ARHGEF12: variants seen among roughly 807,000 people sequenced by gnomAD.
The protein encoded by ARHGEF12 is KMT2A/ARHGEF12 fusion protein.
Under a neutral mutation model 211.2 loss-of-function variants are expected in ARHGEF12, and 66 were observed. That is an observed-to-expected ratio of 0.31 (90% CI 0.26 to 0.38). The LOEUF is 0.38. ARHGEF12 is among the 10% of genes least tolerant of loss of function. The pLI, the probability that ARHGEF12 is intolerant of heterozygous loss-of-function variation, is 1.00. For synonymous variants in ARHGEF12, 592 were observed against 638.4 expected (o/e 0.93, Z 1.09); for missense variants, 1,429 against 1,869.5 (o/e 0.76, Z 4.34).
At position 120,446,937 on chromosome 11, in the gene ARHGEF12, A is replaced by C; in HGVS notation, c.1452-11A>C. On this transcript the variant is annotated splice_polypyrimidine_tract_variant and intron_variant, in intron 17 of 40. Coordinates refer to ENST00000397843, the MANE Select transcript of ARHGEF12 (RefSeq NM_015313.3). ...TTAGGCTACCTCAGGAAACTTCTCT[A>C]TTCCCTTCAGGCAGAAACGTAGTAT... is the stretch of plus-strand genomic sequence containing the variant. 1 of 1,612,204 alleles carries C rather than the reference A, an allele frequency of 6.2e-7. No individual in the cohort carries two copies. Among genetic ancestry groups the C allele is most frequent in the South Asian group, 1.1e-5 (1 of 90,518 alleles).
intron 1 of ARHGEF12, among the ~76,000 whole-genome samples, chr11:120,369,633 A>G (rs1310333551): frequency 1.3e-5 from 2 of 152,260 alleles, no homozygotes; most frequent in Non-Finnish European, 2.9e-5. Flanking sequence ...TGGGGTATAC[A>G]AGAATTTTTA....
intron 6 of ARHGEF12, among the ~76,000 whole-genome samples, chr11:120,423,876 T>G (rs184984321): frequency 6.6e-6 from 1 of 152,210 alleles, no homozygotes; most frequent in Non-Finnish European, 1.5e-5. Flanking sequence ...CGGGATAACA[T>G]TTTCTACATT....
chr11:120,436,893 T>G (rs959889662), intron 11 of ARHGEF12, among the ~76,000 whole-genome samples: 1 of 152,160 alleles, frequency 6.6e-6, no homozygotes, highest in Non-Finnish European at 1.5e-5. Flanking sequence ...AGTAACAGAA[T>G]AGTAGAAGCT....
chr11:120,397,679 C>G (rs2135529319), intron 1 of ARHGEF12, among the ~76,000 whole-genome samples: 1 of 151,992 alleles, frequency 6.6e-6, no homozygotes, highest in Middle Eastern at 3.4e-3. Flanking sequence ...CAAAGCAGCT[C>G]TGATATGTGG....
chr11:120,441,198 A>G (rs1025370183), intron 13 of ARHGEF12, among the ~76,000 whole-genome samples: 5 of 152,076 alleles, frequency 3.3e-5, no homozygotes, highest in Non-Finnish European at 5.9e-5. Flanking sequence ...GGTCTTTAGA[A>G]TGATTTGGGA....
At chr11:120,354,143 A>T (rs1943068948) in intron 1 of ARHGEF12, among the ~76,000 whole-genome samples, 1 of 152,102 alleles carries the variant, frequency 6.6e-6, no homozygotes, top group African/African-American at 2.4e-5. Flanking sequence ...TGCCTGTGAG[A>T]AGAGGGAAGA....
chr11:120,372,812 A>G (rs967889746), intron 1 of ARHGEF12, among the ~76,000 whole-genome samples: 1 of 152,086 alleles, frequency 6.6e-6, no homozygotes, highest in East Asian at 1.9e-4. Context: ...CTTTATCCCC[A>G]ATATCTCTTA....
At chr11:120,432,496 ATTAC>A (rs2135733699) in intron 11 of ARHGEF12, among the ~76,000 whole-genome samples, 1 of 152,360 alleles carries the variant, frequency 6.6e-6, no homozygotes, top group Admixed American at 6.5e-5. Flanking sequence ...TAAGTTCAGT[ATTAC>A]TTACCCAGCA....
intron 1 of ARHGEF12, among the ~76,000 whole-genome samples, chr11:120,354,876 C>G (rs1226183918): frequency 6.6e-6 from 1 of 152,048 alleles, no homozygotes; most frequent in Non-Finnish European, 1.5e-5. Flanking sequence ...ACTTTATAGC[C>G]CTTAGGGAGA....
chr11:120,427,384 C>T (rs1945377282), intron 7 of ARHGEF12, among the ~76,000 whole-genome samples: 1 of 152,116 alleles, frequency 6.6e-6, no homozygotes, highest in Non-Finnish European at 1.5e-5. Flanking sequence ...TCACTAAACC[C>T]TGCCTAGTTA....
In ARHGEF12 at chr11:120,449,217, A is replaced by G. The variant is rs1456184083; in HGVS notation, c.1843+3A>G. Reference sequence around the variant, plus strand: ...AAGCCGTCATGACAACAGTGCAAGTATGTTGAAGTTTGAAGTGCTGCATTT... The same window carrying G: ...AAGCCGTCATGACAACAGTGCAAGTGTGTTGAAGTTTGAAGTGCTGCATTT... On this transcript the variant is annotated splice_donor_region_variant and intron_variant, in intron 21 of 40. Coordinates refer to ENST00000397843, the MANE Select transcript of ARHGEF12 (RefSeq NM_015313.3). 1.2e-6 allele frequency: 2 copies of G among 1,612,904 alleles called. No homozygotes were observed. The highest frequency in any genetic ancestry group is 1.7e-6 in the Non-Finnish European group (2 of 1,179,170).
At chr11:120,469,673 A>C (rs1228473376) in intron 30 of ARHGEF12, among the ~76,000 whole-genome samples, 1 of 152,204 alleles carries the variant, frequency 6.6e-6, no homozygotes, top group Non-Finnish European at 1.5e-5. Flanking sequence ...TAGGGTACAG[A>C]GTAGTTGAGA....
intron 4 of ARHGEF12, among the ~76,000 whole-genome samples, chr11:120,412,353 CA>C (rs1219745508): frequency 6.6e-6 from 1 of 152,164 alleles, no homozygotes; most frequent in African/African-American, 2.4e-5. Flanking sequence ...GCCACTGTAA[CA>C]AAATACCATA....
In ARHGEF12 at chr11:120,487,033, C is replaced by T. The variant is rs182057424; in HGVS notation, c.*1956C>T. 2.3e-5 allele frequency: 5 copies of T among 216,426 alleles called. No individual in the cohort carries two copies. The East Asian group carries it at 2.7e-4, about 12-fold the overall frequency. 13.4% of individuals were successfully genotyped at this position (216,426 alleles called of 1,614,324 possible). A position where few individuals can be genotyped will look rare whatever the true frequency, so the allele number is the denominator to read the frequency against. ...AAAACCAAATGGTTACATTGTGCTGCTAGAAATAATGTCATTCTCAATTAA... is the reference window on the plus strand; with the variant it reads ...AAAACCAAATGGTTACATTGTGCTGTTAGAAATAATGTCATTCTCAATTAA... On this transcript the variant is annotated 3_prime_UTR_variant, in exon 41 of 41. Coordinates refer to ENST00000397843, the MANE Select transcript of ARHGEF12 (RefSeq NM_015313.3).
intron 13 of ARHGEF12, 118 bp from the exon 14 acceptor site, chr11:120,441,589 C>A: frequency 1.4e-6 from 1 of 698,706 alleles, no homozygotes. Context: ...TTTTTTAAAT[C>A]TTGAATTTTT....
At chr11:120,421,426 C>CTTTTTTTTTTTT in intron 5 of ARHGEF12, among the ~76,000 whole-genome samples, 1 of 136,918 alleles carries the variant, frequency 7.3e-6, no homozygotes, top group South Asian at 2.7e-4. Flanking sequence ...ACTTTACAGC[C>CTTTTTTTTTTTT]TTGTTTTTTT....
At chr11:120,477,174 C>T (rs200528581) in intron 34 of ARHGEF12, 45 bp from the exon 35 acceptor site, 6 of 1,226,054 alleles carry the variant, frequency 4.9e-6, no homozygotes, top group South Asian at 1.5e-5. Flanking sequence ...AAGGATATTT[C>T]TTTTTTCTTT....
chr11:120,397,498 C>T (rs1224564573), intron 1 of ARHGEF12, among the ~76,000 whole-genome samples: 1 of 152,168 alleles, frequency 6.6e-6, no homozygotes, highest in Non-Finnish European at 1.5e-5. Context: ...TTTGTTATAA[C>T]ATTCTTTATT....
At position 120,347,154 on chromosome 11, in the gene ARHGEF12, TCCTTC is replaced by T. The variant is rs1565416969; in HGVS notation, c.32+9881_32+9885del. Among the ~76,000 whole-genome samples the T allele has an allele frequency of 7.3e-3, 753 of 102,876 alleles. 37 individuals carry two copies. The highest frequency in any genetic ancestry group is 0.058 in the South Asian group (199 of 3,424). 67.5% of individuals were successfully genotyped at this position (102,876 alleles called of 152,430 possible). A position where few individuals can be genotyped will look rare whatever the true frequency, so the allele number is the denominator to read the frequency against. ...TTCTTTCCTTCCTTCCTTCCTTCCT[TCCTTC>T]CTTCCTTCCTTCCTTCCTTCCTTCC... On this transcript the variant is annotated intron_variant, in intron 1 of 40. Transcript: ENST00000397843.
Sources: allele counts gnomAD v4.1 joint callset (sites outside exome capture counted in the v4.1 genomes callset), GRCh38; gene constraint gnomAD v4.1.1; transcripts MANE v1.5; gene names NCBI Gene and HGNC (gene_info 2026-07-23, HGNC 2026-07-21).